PTK2: variants seen among roughly 807,000 people sequenced by gnomAD.
PTK2 encodes the protein protein tyrosine kinase 2, also known as focal adhesion kinase 1.
Under a neutral mutation model 150.1 loss-of-function variants are expected in PTK2, and 45 were observed. The observed-to-expected ratio is 0.30, with a 90% confidence interval of 0.24 to 0.38. The LOEUF is 0.38. Among genes scored for constraint, PTK2 ranks in the 10% least tolerant of loss-of-function variants. The probability of loss-of-function intolerance (pLI) is 1.00; values close to 1 mark genes in which losing one functional copy is unlikely to be tolerated. For synonymous variants in PTK2, 432 were observed against 449.2 expected, an observed-to-expected ratio of 0.96 and a Z score of 0.48; for missense variants, 919 against 1,307.3, an observed-to-expected ratio of 0.70 and a Z score of 4.58.
At chr8:140,924,079 GCTCCC>G (rs1383721382) in intron 2 of PTK2, among the ~76,000 whole-genome samples, 2 of 152,092 alleles carry the variant, frequency 1.3e-5, no homozygotes, top group African/African-American at 4.8e-5. Flanking sequence ...GCGTGATATG[GCTCCC>G]CTCTATCGCC....
chr8:140,764,189 G>C, intron 15 of PTK2, 45 bp downstream of exon 17: 1 of 1,462,148 alleles, frequency 6.8e-7, no homozygotes, highest in South Asian at 1.1e-5. Context: ...ATGCAAGGAG[G>C]CATCTGTCAA....
At chr8:140,808,806 G>C (rs1483230215) in intron 10 of PTK2, among the ~76,000 whole-genome samples, 4 of 141,994 alleles carry the variant, frequency 2.8e-5, no homozygotes, top group Non-Finnish European at 4.5e-5. Context: ...TGTGATCTCA[G>C]CTCACTGCAA....
chr8:140,937,710 C>T (rs2100174164), intron 1 of PTK2, among the ~76,000 whole-genome samples: 1 of 151,986 alleles, frequency 6.6e-6, no homozygotes, highest in Admixed American at 6.6e-5. Context: ...TCCCAAAATA[C>T]ATCAAATACA....
intron 1 of PTK2, among the ~76,000 whole-genome samples, chr8:140,960,171 T>C (rs1437599996): frequency 6.7e-6 from 1 of 149,600 alleles, no homozygotes; most frequent in Non-Finnish European, 1.5e-5. Flanking sequence ...AAACACATTG[T>C]AAATGCAATT....
At chr8:140,776,139 G>C (rs1402904562) in intron 14 of PTK2, among the ~76,000 whole-genome samples, 1 of 152,208 alleles carries the variant, frequency 6.6e-6, no homozygotes, top group East Asian at 1.9e-4. Flanking sequence ...CAGTGGCTGG[G>C]ATTACAGGCA....
intron 3 of PTK2, among the ~76,000 whole-genome samples, chr8:140,885,760 G>A (rs2100152040): frequency 6.6e-6 from 1 of 152,122 alleles, no homozygotes; most frequent in East Asian, 1.9e-4. Context: ...TAGAGAAACA[G>A]GAAGCAGAAA....
exon 22 of PTK2, chr8:140,735,260 G>A (rs1299753944): frequency 6.2e-7 from 1 of 1,613,828 alleles, no homozygotes; most frequent in Admixed American, 1.7e-5. Flanking sequence ...CCTGAGCTGA[G>A]CTTTAAGTTC....
intron 17 of PTK2, among the ~76,000 whole-genome samples, chr8:140,747,650 A>T (rs2100059992): frequency 1.4e-5 from 1 of 72,226 alleles, no homozygotes; most frequent in Admixed American, 1.4e-4. Flanking sequence ...AAGGGGGAGG[A>T]GGAAGAGGAG....
At chr8:140,925,907 T>C (rs569075990) in intron 1 of PTK2, among the ~76,000 whole-genome samples, 158 bp from the exon 2 acceptor site, 1 of 152,292 alleles carries the variant, frequency 6.6e-6, no homozygotes, top group Non-Finnish European at 1.5e-5. Flanking sequence ...AAATATAATT[T>C]TGACATGATG....
exon 22 of PTK2, chr8:140,735,351 G>A: frequency 1.2e-6 from 2 of 1,614,082 alleles, no homozygotes; most frequent in Non-Finnish European, 1.7e-6. Flanking sequence ...CAATTTGGAG[G>A]CATTGGTAAT....
intron 1 of PTK2, among the ~76,000 whole-genome samples, chr8:140,970,375 C>T (rs780972943): frequency 1.3e-5 from 2 of 152,212 alleles, no homozygotes; most frequent in African/African-American, 4.8e-5. Flanking sequence ...TAAAAATGTC[C>T]AAGAGACATT....
chr8:140,727,911 GA>G lies in PTK2; in HGVS notation c.2030+7339del, dbSNP rs542960209. Among the ~76,000 whole-genome samples the G allele has an allele frequency of 9.9e-5, 15 of 152,198 alleles. No individual in the cohort carries two copies. The East Asian group carries it at 2.7e-3, about 27-fold the overall frequency. On this transcript the variant is annotated intron_variant, in intron 22 of 31. Coordinates refer to ENST00000522684, the Ensembl canonical transcript of PTK2. ...TACACTTTTTAGAAAAGTAGAGAAA[GA>G]CGGCCGGGCGCGGTGGCTCACACCT...
intron 14 of PTK2, among the ~76,000 whole-genome samples, chr8:140,786,493 G>A (rs2100085019): frequency 6.6e-6 from 1 of 152,148 alleles, no homozygotes; most frequent in Admixed American, 6.5e-5. Context: ...CTGGGGCTAA[G>A]TGCAATGTAC....
At chr8:140,928,957 ATT>A (rs34658967) in intron 1 of PTK2, among the ~76,000 whole-genome samples, 416 of 92,144 alleles carry the variant, frequency 4.5e-3, no homozygotes, top group African/African-American at 0.017. Flanking sequence ...TTTTATCACA[ATT>A]TTTTTTTTTT....
chr8:140,888,213 T>C (rs1034327839), intron 3 of PTK2, among the ~76,000 whole-genome samples: 4 of 152,252 alleles, frequency 2.6e-5, no homozygotes, highest in African/African-American at 7.2e-5. Flanking sequence ...TGTTCCTTTG[T>C]CTGATACCTC....
At chr8:140,800,431 T>C (rs368845333) in intron 12 of PTK2, 28 bp downstream of exon 12, 84 of 1,558,410 alleles carry the variant, frequency 5.4e-5, no homozygotes, top group Admixed American at 6.7e-5. Context: ...AGAAGCGCAA[T>C]TGGGAATGCT....
chr8:140,679,007 T>C (rs1295875035), intron 27 of PTK2, among the ~76,000 whole-genome samples: 1 of 8,144 alleles, frequency 1.2e-4, no homozygotes, highest in African/African-American at 3.3e-4. Flanking sequence ...CCCCATGTTT[T>C]TTTTTTTTTT....
intron 1 of PTK2, among the ~76,000 whole-genome samples, chr8:140,951,793 C>G (rs368218793): frequency 2.6e-5 from 4 of 151,614 alleles, no homozygotes; most frequent in Admixed American, 6.6e-5. Flanking sequence ...CTGAAATGGG[C>G]GCATCATTTG....
intron 2 of PTK2, among the ~76,000 whole-genome samples, chr8:140,913,807 A>T (rs1481414570): frequency 6.6e-6 from 1 of 152,192 alleles, no homozygotes; most frequent in Non-Finnish European, 1.5e-5. Flanking sequence ...CCCAATATTT[A>T]AAAAAGGAAA....
Sources: allele counts gnomAD v4.1 joint callset (sites outside exome capture counted in the v4.1 genomes callset), GRCh38; gene constraint gnomAD v4.1.1; transcripts MANE v1.5; gene names NCBI Gene and HGNC (gene_info 2026-07-23, HGNC 2026-07-21).